The following ARPC1A variants were observed in gnomAD, a reference collection of about 807,000 sequenced individuals.
ARPC1A encodes actin-related protein 2/3 complex subunit 1A.
Under a neutral mutation model 46.9 loss-of-function variants are expected in ARPC1A, and 8 were observed. The observed-to-expected ratio is 0.17, with a 90% CI of 0.10 to 0.31. ARPC1A has a LOEUF of 0.31. ARPC1A is among the 10% of genes least tolerant of loss of function. The probability of loss-of-function intolerance (pLI) is 1.00; values close to 1 mark genes in which losing one functional copy is unlikely to be tolerated. For synonymous variants in ARPC1A, 152 were observed against 169.0 expected, an observed-to-expected ratio of 0.90 and a Z score of 0.78; for missense variants, 286 against 483.6, an observed-to-expected ratio of 0.59 and a Z score of 3.83.
At chr7:99,360,014 AGGT>A (rs1793713329) in intron 8 of ARPC1A, 1 of 489,974 alleles carries the variant, frequency 2.0e-6, no homozygotes, top group Non-Finnish European at 3.7e-6. Flanking sequence ...TTGCAATCTG[AGGT>A]GGTGGGGCCT....
At chr7:99,329,808 G>C (rs1387869228) in intron 1 of ARPC1A, among the ~76,000 whole-genome samples, 2 of 152,172 alleles carry the variant, frequency 1.3e-5, no homozygotes, top group Admixed American at 1.3e-4. Context: ...TTTTCAACTG[G>C]ACATGAACCA....
chr7:99,353,111 A>AT (rs888228501), intron 5 of ARPC1A, among the ~76,000 whole-genome samples: 21 of 123,660 alleles, frequency 1.7e-4, no homozygotes, highest in East Asian at 3.9e-4. Context: ...AGTTTAGTTT[A>AT]GTTTATGTTA....
intron 7 of ARPC1A, among the ~76,000 whole-genome samples, 170 bp from the exon 8 acceptor site, chr7:99,359,375 G>A (rs1793697777): frequency 6.7e-6 from 1 of 150,332 alleles, no homozygotes; most frequent in Non-Finnish European, 1.5e-5. Context: ...AGCAGAGGTT[G>A]TGGTGACCTG....
chr7:99,330,400 C>T (rs113487972), intron 1 of ARPC1A, among the ~76,000 whole-genome samples: 9 of 152,120 alleles, frequency 5.9e-5, no homozygotes, highest in African/African-American at 1.9e-4. Context: ...CTGCAACCTC[C>T]GCCTCCCATG....
At chr7:99,341,720 A>T (rs1162645460) in intron 3 of ARPC1A, among the ~76,000 whole-genome samples, 1 of 151,364 alleles carries the variant, frequency 6.6e-6, no homozygotes, top group Admixed American at 6.6e-5. Flanking sequence ...AATGTGAAAT[A>T]TTTAGTTATG....
At chr7:99,328,040 A>C (rs1163550741) in intron 1 of ARPC1A, among the ~76,000 whole-genome samples, 5 of 152,210 alleles carry the variant, frequency 3.3e-5, no homozygotes, top group Non-Finnish European at 7.3e-5. Flanking sequence ...TTCCAAGCTC[A>C]GAGGAAACTA....
intron 3 of ARPC1A, among the ~76,000 whole-genome samples, chr7:99,342,829 T>G (rs1018485351): frequency 6.6e-6 from 1 of 150,386 alleles, no homozygotes; most frequent in Non-Finnish European, 1.5e-5. Context: ...TTCACACCAT[T>G]CTCCTGCCTC....
chr7:99,344,596 A>G, intron 4 of ARPC1A, 81 bp downstream of exon 4: 6 of 1,395,994 alleles, frequency 4.3e-6, no homozygotes, highest in Non-Finnish European at 6.0e-6. Context: ...CCATAACTCC[A>G]GTTTTTCTCA....
intron 1 of ARPC1A, among the ~76,000 whole-genome samples, chr7:99,332,081 CCTT>C (rs1430591761): frequency 6.6e-6 from 1 of 152,088 alleles, no homozygotes; most frequent in African/African-American, 2.4e-5. Context: ...TTTATTTCCT[CCTT>C]GTGTTGCTTG....
rs1402961233 is a variant in ARPC1A, at chr7:99,366,035, T to C, written c.*106T>C. 1 of 1,340,426 alleles carries C rather than the reference T, an allele frequency of 7.5e-7. No individual in the cohort carries two copies. The highest frequency in any genetic ancestry group is 2.5e-5 in the East Asian group (1 of 39,704). 83.0% of individuals were successfully genotyped at this position (1,340,426 alleles called of 1,614,324 possible). ...GCCCCAAGGAAACACTGAAAACACA[T>C]ATCACGCCAATGCCGTGTGGTTTTG... On this transcript the variant is annotated 3_prime_UTR_variant, in exon 10 of 10. Coordinates refer to ENST00000262942, the MANE Select transcript of ARPC1A (RefSeq NM_006409.4).
At chr7:99,339,913 C>T (rs1381479617) in intron 3 of ARPC1A, 1 of 449,632 alleles carries the variant, frequency 2.2e-6, no homozygotes, top group African/African-American at 2.0e-5. Flanking sequence ...CCATCATTCC[C>T]ACCTGTCCTG....
chr7:99,361,071 G>T (rs1160263582), intron 8 of ARPC1A, among the ~76,000 whole-genome samples: 1 of 152,074 alleles, frequency 6.6e-6, no homozygotes, highest in Non-Finnish European at 1.5e-5. Flanking sequence ...TCTTATTGTG[G>T]TATTGATGGT....
chr7:99,356,693 A>G (rs961278795), intron 6 of ARPC1A, among the ~76,000 whole-genome samples: 1 of 151,886 alleles, frequency 6.6e-6, no homozygotes, highest in African/African-American at 2.4e-5. Flanking sequence ...CAAGGTCAGG[A>G]GATCGAGACC....
chr7:99,346,833 G>T (rs1207903843), intron 4 of ARPC1A, among the ~76,000 whole-genome samples: 1 of 151,976 alleles, frequency 6.6e-6, no homozygotes, highest in Non-Finnish European at 1.5e-5. Context: ...CAAAATATTA[G>T]CCAGGTGTGG....
intron 1 of ARPC1A, among the ~76,000 whole-genome samples, chr7:99,327,268 A>G (rs1306775054): frequency 6.6e-6 from 1 of 150,468 alleles, no homozygotes; most frequent in Non-Finnish European, 1.5e-5. Context: ...AGTAGCTGGG[A>G]CTACAGGCGT....
At chr7:99,363,856 T>A (rs1023104370) in intron 9 of ARPC1A, among the ~76,000 whole-genome samples, 5 of 152,094 alleles carry the variant, frequency 3.3e-5, no homozygotes, top group Admixed American at 6.6e-5. Context: ...TTTACAAAAC[T>A]CTTATGAGAA....
chr7:99,336,481 AT>A (rs757908410), intron 2 of ARPC1A, among the ~76,000 whole-genome samples: 1,604 of 103,082 alleles, frequency 0.016, 7 homozygotes, highest in African/African-American at 0.044. Context: ...ATAGGTCTTA[AT>A]TTTTTTTTTT....
intron 2 of ARPC1A, among the ~76,000 whole-genome samples, chr7:99,334,749 T>G (rs1032255012): frequency 1.9e-4 from 29 of 152,200 alleles, no homozygotes; most frequent in Non-Finnish European, 1.0e-4. Flanking sequence ...TGGTGCAATC[T>G]CGGCTTACTG....
chr7:99,363,649 C>A lies in ARPC1A; in HGVS notation c.1074+16C>A. The A allele has an allele frequency of 4.6e-6, 7 of 1,521,020 alleles. No individual in the cohort carries two copies. The highest frequency in any genetic ancestry group is 5.4e-6 in the Non-Finnish European group (6 of 1,117,158). 94.2% of individuals were successfully genotyped at this position (1,521,020 alleles called of 1,614,324 possible). A position where few individuals can be genotyped will look rare whatever the true frequency, so the allele number is the denominator to read the frequency against. ...GGATTTCAAGGTATTTTCTACCTAA[C>A]AGAACAAATTTTGTTTGTGTTAAAA... On this transcript the variant is annotated intron_variant, in intron 9 of 9. Transcript: ENST00000262942.
Sources: gnomAD v4.1 joint callset for allele counts (sites outside exome capture counted in the v4.1 genomes callset) on GRCh38, gnomAD v4.1.1 for gene constraint, MANE v1.5 for transcripts, NCBI Gene and HGNC (gene_info 2026-07-23, HGNC 2026-07-21) for gene names.